The following RETREG1 variants were observed in gnomAD, a reference collection of about 807,000 sequenced individuals.
The protein encoded by RETREG1 is reticulophagy regulator 1, also known as family with sequence similarity 134 member B.
RETREG1 carries 44 observed loss-of-function variants against 54.8 expected under a neutral mutation model. The ratio of observed to expected loss-of-function variants is 0.80; its 90% CI spans 0.63 to 1.03. The LOEUF is 1.03. Ranked by LOEUF, RETREG1 falls within the 50% of genes least tolerant of loss-of-function variation. The pLI is 0.00. For missense variants in RETREG1, 554 were observed against 605.1 expected, an observed-to-expected ratio of 0.92 and a Z score of 0.89; for synonymous variants, 217 against 238.5, an observed-to-expected ratio of 0.91 and a Z score of 0.83.
intron 3 of RETREG1, among the ~76,000 whole-genome samples, chr5:16,514,895 G>T (rs551880015): frequency 2.3e-5 from 2 of 88,302 alleles, no homozygotes; most frequent in Non-Finnish European, 4.9e-5. Context: ...GTATTCCATG[G>T]CATGCATATA....
chr5:16,559,095 T>C (rs1400454973), intron 3 of RETREG1, among the ~76,000 whole-genome samples: 1 of 152,216 alleles, frequency 6.6e-6, no homozygotes, highest in Non-Finnish European at 1.5e-5. Context: ...CCAAAGATTC[T>C]TGAATCCTTT....
rs933832796 is a variant in RETREG1 at position 16,593,144 on chromosome 5, C to T, written c.321-21042G>A. Among the ~76,000 whole-genome samples, 1 of 152,188 alleles carries T rather than the reference C, an allele frequency of 6.6e-6. No individual in the cohort carries two copies. The highest frequency in any genetic ancestry group is 1.5e-5 in the Non-Finnish European group (1 of 68,042). ...GAACCCCTGACTCACCATCCCATGC[C>T]CAGTGGTCACACTCAGCAAGGAAAA... On this transcript the variant is annotated intron_variant, in intron 1 of 8. Coordinates refer to ENST00000306320, the MANE Select transcript of RETREG1 (RefSeq NM_001034850.3). The surrounding 1 kb of genome is among the most constrained non-coding windows in gnomAD (Gnocchi z 4.9).
At chr5:16,535,178 T>A (rs1232007294) in intron 3 of RETREG1, among the ~76,000 whole-genome samples, 1 of 152,268 alleles carries the variant, frequency 6.6e-6, no homozygotes, top group Non-Finnish European at 1.5e-5. Flanking sequence ...TATTTTATAC[T>A]GTATATTTTA....
intron 1 of RETREG1, among the ~76,000 whole-genome samples, chr5:16,576,098 G>C (rs917007925): frequency 6.6e-6 from 1 of 152,080 alleles, no homozygotes; most frequent in Non-Finnish European, 1.5e-5. Flanking sequence ...AACTTCAAAC[G>C]TACACAAAAA....
At chr5:16,551,900 T>C (rs1741552550) in intron 3 of RETREG1, among the ~76,000 whole-genome samples, 1 of 152,116 alleles carries the variant, frequency 6.6e-6, no homozygotes, top group African/African-American at 2.4e-5. Context: ...GCCACCTGTT[T>C]TCCTTCACTC....
At chr5:16,539,673 C>T (rs1741185641) in intron 3 of RETREG1, among the ~76,000 whole-genome samples, 1 of 152,132 alleles carries the variant, frequency 6.6e-6, no homozygotes, top group Non-Finnish European at 1.5e-5. Context: ...GTCCCGGTAC[C>T]GGGGCCCTGA....
At chr5:16,514,821 C>T (rs936716387) in intron 3 of RETREG1, among the ~76,000 whole-genome samples, 1 of 151,492 alleles carries the variant, frequency 6.6e-6, no homozygotes, top group African/African-American at 2.4e-5. Flanking sequence ...CGTAGAATAA[C>T]GGTCTCCAAC....
At chr5:16,615,438 A>AG (rs1237272081) in intron 1 of RETREG1, among the ~76,000 whole-genome samples, 2 of 151,912 alleles carry the variant, frequency 1.3e-5, no homozygotes, top group Non-Finnish European at 1.5e-5. Flanking sequence ...GAAAAGAAAA[A>AG]GAAATAAAAT....
rs991974394 is a variant in RETREG1, at chr5:16,478,945, A to G, written c.713T>C (p.Ile238Thr). ...AATTTTGCTGTAAATTTTTTGTCCA[A>G]TATCATTACATTTAAACAATGGACA... is the stretch of plus-strand genomic sequence containing the variant. ...FLCPLFKCND[I>T]GQKIYSKIKS... The change falls in exon 6 of 9, where the codon ATT becomes ACT. Residue 238 changes from isoleucine (I) to threonine (T), a missense_variant. Ile to Thr is a moderately conservative substitution (Grantham distance 89). Around this residue, in one of 4 missense-constraint regions of RETREG1, gnomAD observed 347 missense variants for 412.3 expected, o/e 0.84. Transcript: ENST00000306320. The G allele has an allele frequency of 1.5e-5, 24 of 1,612,142 alleles. No homozygotes were observed. The highest frequency in any genetic ancestry group is 1.9e-5 in the Non-Finnish European group (22 of 1,178,932).
chr5:16,517,478 TATTA>T (rs1189205093), intron 3 of RETREG1, among the ~76,000 whole-genome samples: 1 of 152,176 alleles, frequency 6.6e-6, no homozygotes, highest in African/African-American at 2.4e-5. Flanking sequence ...TATTAGTTGA[TATTA>T]ATTACTTAAG....
chr5:16,483,615 G>A (rs903576858), intron 3 of RETREG1, 143 bp from the exon 4 acceptor site: 20 of 776,410 alleles, frequency 2.6e-5, no homozygotes, highest in Admixed American at 1.9e-4. Flanking sequence ...GAACTATCCA[G>A]ACACCTGCTT....
chr5:16,506,077 A>G (rs1739941363), intron 3 of RETREG1, among the ~76,000 whole-genome samples: 1 of 152,248 alleles, frequency 6.6e-6, no homozygotes, highest in African/African-American at 2.4e-5. Context: ...CATTTGGTGA[A>G]TATCAAATGG....
chr5:16,508,842 G>A (rs1740071519), intron 3 of RETREG1: 1 of 1,417,470 alleles, frequency 7.1e-7, no homozygotes, highest in Admixed American at 2.9e-5. Context: ...GCTAGGAGCT[G>A]GGTTATTATC....
At chr5:16,575,044 C>T (rs1742285207) in intron 1 of RETREG1, among the ~76,000 whole-genome samples, 1 of 152,340 alleles carries the variant, frequency 6.6e-6, no homozygotes, top group Non-Finnish European at 1.5e-5. Flanking sequence ...TTCATTCTTG[C>T]TCTTGTTCAT....
chr5:16,579,066 C>T (rs1010961267), intron 1 of RETREG1, among the ~76,000 whole-genome samples: 8 of 152,190 alleles, frequency 5.3e-5, no homozygotes, highest in African/African-American at 1.9e-4. Context: ...GCAAGAGAGC[C>T]ACAAGACTAG....
chr5:16,476,720 A>G (rs1167809524), intron 8 of RETREG1, among the ~76,000 whole-genome samples: 2 of 141,756 alleles, frequency 1.4e-5, no homozygotes, highest in East Asian at 4.8e-4. Flanking sequence ...CATAGACACA[A>G]TGGTGGGGAA....
In RETREG1 at chr5:16,616,797, C is replaced by A. The variant is rs1310657624; in HGVS notation, c.175G>T (p.Glu59Ter). ...GCGGCCGCCGCCCGGCCCGCGGCCTCCTCCACCTGCAACCCCGCGCCCTCC... is the reference window on the plus strand; with the variant it reads ...GCGGCCGCCGCCCGGCCCGCGGCCTACTCCACCTGCAACCCCGCGCCCTCC... ...AAEGAGLQVE[E>*]AAGRAAAAVT... Residue 59 changes from glutamate (E) to a stop codon, truncating the protein, a stop_gained, in exon 1 of 9, where the codon GAG (glutamate) becomes TAG (stop). Transcript: ENST00000306320. LOFTEE classifies it high-confidence loss of function. The A allele has an allele frequency of 2.0e-6, 3 of 1,526,648 alleles. No homozygotes were observed. The Admixed American group carries it at 5.9e-5, about 30-fold the overall frequency. The allele number at this position is 1,526,648 out of a possible 1,614,324, so 94.6% of individuals were successfully genotyped here. A position where few individuals can be genotyped will look rare whatever the true frequency, so the allele number is the denominator to read the frequency against.
rs375879223 is a variant in RETREG1, at chr5:16,590,609, C to T, written c.321-18507G>A. Reference sequence around the variant, plus strand: ...GTGTGTGCTGCAGAATCCACATGGGCCACGGACTCGAGGCGGGCTGTCTCC... The same window carrying T: ...GTGTGTGCTGCAGAATCCACATGGGTCACGGACTCGAGGCGGGCTGTCTCC... On this transcript the variant is annotated intron_variant, in intron 1 of 8. Coordinates refer to ENST00000306320, the MANE Select transcript of RETREG1 (RefSeq NM_001034850.3). Among the ~76,000 whole-genome samples the T allele has an allele frequency of 6.6e-5, 10 of 152,268 alleles. No individual in the cohort carries two copies. In the South Asian group the frequency reaches 2.1e-3, roughly 32 times the overall value.
intron 3 of RETREG1, among the ~76,000 whole-genome samples, chr5:16,549,076 C>T (rs1741462936): frequency 6.6e-6 from 1 of 152,286 alleles, no homozygotes. Context: ...CACTTGCTTG[C>T]CAGAGAAGAG....
Sources: gnomAD v4.1 joint callset for allele counts (sites outside exome capture counted in the v4.1 genomes callset) on GRCh38, gnomAD v4.1.1 for gene constraint, gnomAD v4.1.1 regional missense constraint, Gnocchi (gnomAD v3.1) non-coding constraint, MANE v1.5 for transcripts, NCBI Gene and HGNC (gene_info 2026-07-23, HGNC 2026-07-21) for gene names.